The following CTNNA2 variants were observed in gnomAD, a reference collection of about 807,000 sequenced individuals.
CTNNA2 encodes catenin alpha 2, also known as catenin alpha-2.
A neutral mutation model predicts 101.0 loss-of-function variants in CTNNA2; 42 were observed. The ratio of observed to expected loss-of-function variants is 0.42; its 90% confidence interval spans 0.32 to 0.54. The LOEUF (loss-of-function observed/expected upper bound fraction) is 0.54. Among genes scored for constraint, CTNNA2 ranks in the 20% least tolerant of loss-of-function variants. The pLI, the probability that CTNNA2 is intolerant of heterozygous loss-of-function variation, is 0.14. For synonymous variants in CTNNA2, 450 were observed against 456.4 expected (o/e 0.99, Z 0.18); for missense variants, 871 against 1,223.1 (o/e 0.71, Z 4.29).
intron 7 of CTNNA2, among the ~76,000 whole-genome samples, chr2:80,148,824 A>C (rs1157778287): frequency 6.6e-6 from 1 of 152,098 alleles, no homozygotes; most frequent in Non-Finnish European, 1.5e-5. Context: ...AGGTTGAACC[A>C]CTGGACTCCT....
At chr2:79,406,777 T>C (rs1364863966) in intron 4 of CTNNA2, among the ~76,000 whole-genome samples, 1 of 151,924 alleles carries the variant, frequency 6.6e-6, no homozygotes, top group Non-Finnish European at 1.5e-5. Context: ...AAACATCACA[T>C]ATCAACCTTT....
chr2:79,983,002 C>G (rs1040545573), intron 7 of CTNNA2, among the ~76,000 whole-genome samples: 2 of 151,840 alleles, frequency 1.3e-5, no homozygotes, highest in Admixed American at 6.6e-5. Context: ...GTCTCTCTAT[C>G]AAATAATTGA....
chr2:79,507,483 C>G (rs1671438652), intron 5 of CTNNA2, among the ~76,000 whole-genome samples: 1 of 152,092 alleles, frequency 6.6e-6, no homozygotes. Flanking sequence ...CTTGCCTTTC[C>G]ACCATAAGAT....
chr2:79,243,542 C>T (rs1023804936), intron 2 of CTNNA2, among the ~76,000 whole-genome samples: 2 of 152,200 alleles, frequency 1.3e-5, no homozygotes, highest in South Asian at 2.1e-4. Context: ...GCCCCTTCCA[C>T]GTACCAGGTA....
intron 6 of CTNNA2, among the ~76,000 whole-genome samples, chr2:79,877,177 G>A (rs1048185600): frequency 1.1e-4 from 16 of 151,768 alleles, no homozygotes; most frequent in African/African-American, 3.1e-4. Context: ...TACATAAAGC[G>A]TTATCTAATG....
chr2:80,025,762 T>C (rs1220888569), intron 7 of CTNNA2, among the ~76,000 whole-genome samples: 1 of 152,158 alleles, frequency 6.6e-6, no homozygotes, highest in African/African-American at 2.4e-5. Context: ...TTGCAACATG[T>C]ATGGAGAGGT....
At chr2:79,982,379 T>TATATATAAC (rs1558698137) in intron 7 of CTNNA2, among the ~76,000 whole-genome samples, 1 of 143,830 alleles carries the variant, frequency 7.0e-6, no homozygotes, top group Non-Finnish European at 1.5e-5. Context: ...ATATATAACA[T>TATATATAAC]ATATAACATA....
chr2:80,293,327 C>G (rs979762072), intron 7 of CTNNA2, among the ~76,000 whole-genome samples: 2 of 152,202 alleles, frequency 1.3e-5, no homozygotes, highest in Non-Finnish European at 2.9e-5. Flanking sequence ...TACAATATCT[C>G]TAAGATAGAG....
At chr2:79,363,248 C>A (rs1677670249) in intron 3 of CTNNA2, among the ~76,000 whole-genome samples, 2 of 152,182 alleles carry the variant, frequency 1.3e-5, no homozygotes. Flanking sequence ...ACTGTGTCCT[C>A]ACAAGGTAGA....
At chr2:79,613,017 A>T (rs2104215012) in intron 1 of CTNNA2, among the ~76,000 whole-genome samples, 1 of 152,280 alleles carries the variant, frequency 6.6e-6, no homozygotes, top group South Asian at 2.1e-4. Flanking sequence ...TTATTTTCAT[A>T]GTATTCTCCT....
intron 4 of CTNNA2, among the ~76,000 whole-genome samples, chr2:79,388,955 T>A (rs1678137084): frequency 6.6e-6 from 1 of 152,186 alleles, no homozygotes; most frequent in African/African-American, 2.4e-5. Flanking sequence ...CTAGCCAAGG[T>A]GAACACTACC....
chr2:79,216,437 T>A (rs1434842440), intron 2 of CTNNA2, among the ~76,000 whole-genome samples: 1 of 149,088 alleles, frequency 6.7e-6, no homozygotes, highest in East Asian at 2.0e-4. Flanking sequence ...AGATAAGAGG[T>A]CGGAGCATGG....
chr2:80,070,459 G>A (rs947629189), intron 7 of CTNNA2, among the ~76,000 whole-genome samples: 5 of 152,140 alleles, frequency 3.3e-5, no homozygotes, highest in African/African-American at 1.2e-4. Flanking sequence ...TGTAATCCCA[G>A]CACTTTGGGA....
At chr2:80,131,668 C>T (rs753354158) in intron 7 of CTNNA2, among the ~76,000 whole-genome samples, 3 of 152,030 alleles carry the variant, frequency 2.0e-5, no homozygotes, top group Non-Finnish European at 1.5e-5. Context: ...GATTTTTTTC[C>T]ACCCACCCCA....
chr2:79,727,129 T>C (rs1338175231), intron 2 of CTNNA2, among the ~76,000 whole-genome samples: 1 of 152,258 alleles, frequency 6.6e-6, no homozygotes, highest in Admixed American at 6.5e-5. Flanking sequence ...AAAAATTGTT[T>C]TGCACATTCT....
intron 18 of CTNNA2, among the ~76,000 whole-genome samples, chr2:80,638,442 T>C (rs1673099036): frequency 6.6e-6 from 1 of 151,922 alleles, no homozygotes; most frequent in African/African-American, 2.4e-5. Flanking sequence ...TCCTGAAGGG[T>C]TGGGATAAGC....
intron 10 of CTNNA2, among the ~76,000 whole-genome samples, 179 bp downstream of exon 10, chr2:80,545,253 C>T (rs1446146706): frequency 6.6e-6 from 1 of 152,210 alleles, no homozygotes; most frequent in African/African-American, 2.4e-5. Context: ...TTCAGAATTA[C>T]CATGGCAGCT....
chr2:80,351,750 C>A (rs944561557), intron 7 of CTNNA2, among the ~76,000 whole-genome samples: 2 of 152,022 alleles, frequency 1.3e-5, no homozygotes, highest in African/African-American at 4.8e-5. Context: ...TCAAAACAGG[C>A]GTGATGCTCT....
intron 4 of CTNNA2, among the ~76,000 whole-genome samples, chr2:79,472,341 A>G (rs1299134349): frequency 6.6e-6 from 1 of 152,114 alleles, no homozygotes; most frequent in Non-Finnish European, 1.5e-5. Flanking sequence ...TCAAATCTAG[A>G]GCTCTGTCTG....
Sources: gnomAD v4.1 joint callset for allele counts (sites outside exome capture counted in the v4.1 genomes callset) on GRCh38, gnomAD v4.1.1 for gene constraint, MANE v1.5 for transcripts, NCBI Gene and HGNC (gene_info 2026-07-23, HGNC 2026-07-21) for gene names.